The following HMGXB4 variants were observed in gnomAD, a reference collection of about 807,000 sequenced individuals.
HMGXB4 encodes HMG domain-containing protein 4.
In HMGXB4, 27 loss-of-function variants were observed where a neutral mutation model predicts 63.9. That is an observed-to-expected ratio of 0.42 (90% CI 0.31 to 0.58). HMGXB4 has a LOEUF of 0.58. Among genes scored for constraint, HMGXB4 ranks in the 20% least tolerant of loss-of-function variants. HMGXB4 has a pLI of 0.13. For missense variants in HMGXB4, 624 were observed against 700.7 expected (o/e 0.89, Z 1.24); for synonymous variants, 264 against 265.3 (o/e 0.99, Z 0.05).
the HMGXB4 span, among the ~76,000 whole-genome samples, chr22:35,248,442 C>T: frequency 1.4e-5 from 2 of 147,870 alleles, no homozygotes; most frequent in Non-Finnish European, 3.0e-5. Flanking sequence ...AGTCTCGCTC[C>T]GTCACCCAGG....
At chr22:35,290,612 C>T (rs151197159) in intron 9 of HMGXB4, among the ~76,000 whole-genome samples, 8,889 of 129,866 alleles carry the variant, frequency 0.068, 365 homozygotes, top group South Asian at 0.12. Flanking sequence ...GCCTGGGCGA[C>T]GGAGCGAGAC....
At position 35,288,335 on chromosome 22, in the gene HMGXB4, T is replaced by G; in HGVS notation, c.1566T>G (p.Ile522Met). ...CCAAAGCCCCTGAGACAGAGCCCAT[T>G]GATGTTGCTGCTCATCTTCAGCTGT... ...SPAKAPETEP[I>M]DVAAHLQLLG... is the part of the protein sequence containing the mutation. The change falls in exon 9 of 11, where the codon ATT (isoleucine) becomes ATG (methionine). Residue 522 changes from isoleucine (I) to methionine (M), a missense_variant. Transcript: ENST00000216106. The G allele has an allele frequency of 6.2e-7, 1 of 1,612,946 alleles. No homozygotes were observed. The highest frequency in any genetic ancestry group is 1.1e-5 in the South Asian group (1 of 90,898).
chr22:35,282,328 C>T (rs946643672), intron 5 of HMGXB4, among the ~76,000 whole-genome samples: 5 of 152,300 alleles, frequency 3.3e-5, no homozygotes, highest in East Asian at 1.9e-4. Context: ...AGGCGCCCAC[C>T]ACCATGCCCG....
At chr22:35,289,726 A>G (rs1924816121) in intron 9 of HMGXB4, among the ~76,000 whole-genome samples, 1 of 152,188 alleles carries the variant, frequency 6.6e-6, no homozygotes, top group Non-Finnish European at 1.5e-5. Flanking sequence ...TGTCCTTTTA[A>G]GCTTCAATTT....
rs58606843 is a variant in HMGXB4 at position 35,261,909 on chromosome 22, A to G, written c.-68-414A>G. 839 of 155,586 alleles carry G rather than the reference A, an allele frequency of 5.4e-3. 10 individuals are homozygous for G. Among genetic ancestry groups the G allele is most frequent in the African/African-American group, 0.019 (782 of 41,582 alleles). The allele number at this position is 155,586 out of a possible 1,614,324, so 9.6% of individuals were successfully genotyped here. ...AGTTGGTAGGATTTTGTGGTCTTCAAATGTTTGATGTGATCTGTCTTCTCT... is the reference window on the plus strand; with the variant it reads ...AGTTGGTAGGATTTTGTGGTCTTCAGATGTTTGATGTGATCTGTCTTCTCT... On this transcript the variant is annotated intron_variant, in intron 1 of 10. Coordinates refer to ENST00000216106, the MANE Select transcript of HMGXB4 (RefSeq NM_001003681.3).
chr22:35,277,136 T>C (rs766760859), intron 5 of HMGXB4, among the ~76,000 whole-genome samples: 15 of 152,216 alleles, frequency 9.9e-5, no homozygotes, highest in Non-Finnish European at 1.8e-4. Context: ...CTCGCAAGAC[T>C]GAAATCAAGG....
At chr22:35,275,900 A>T (rs1021006739) in intron 5 of HMGXB4, among the ~76,000 whole-genome samples, 3 of 152,246 alleles carry the variant, frequency 2.0e-5, no homozygotes, top group Non-Finnish European at 4.4e-5. Flanking sequence ...TCCAAGTTTT[A>T]AAAATATTAA....
At chr22:35,271,557 G>A (rs1460274305) in intron 5 of HMGXB4, among the ~76,000 whole-genome samples, 1 of 152,184 alleles carries the variant, frequency 6.6e-6, no homozygotes, top group African/African-American at 2.4e-5. Flanking sequence ...CAAACAATGT[G>A]ATGTTGGATA....
rs781549128 is a variant in HMGXB4, at chr22:35,263,877, G to A, written c.259+3G>A. 1.9e-6 allele frequency: 3 copies of A among 1,612,774 alleles called. No homozygotes were observed. The highest frequency in any genetic ancestry group is 4.5e-5 in the East Asian group (2 of 44,886). On this transcript the variant is annotated splice_donor_region_variant and intron_variant, in intron 4 of 10. Coordinates refer to ENST00000216106, the MANE Select transcript of HMGXB4 (RefSeq NM_001003681.3). ...CTCTGATGATTACTACTATGGAGGT[G>A]AGGATGGGAATGGGCAACAGGTGGG...
chr22:35,280,344 A>G (rs1924171349), intron 5 of HMGXB4, among the ~76,000 whole-genome samples: 2 of 152,226 alleles, frequency 1.3e-5, no homozygotes, highest in African/African-American at 4.8e-5. Flanking sequence ...GGGAAACGAA[A>G]TGTCAGGAAA....
intron 5 of HMGXB4, among the ~76,000 whole-genome samples, chr22:35,273,029 T>A (rs1923702208): frequency 6.6e-6 from 1 of 152,226 alleles, no homozygotes; most frequent in Non-Finnish European, 1.5e-5. Flanking sequence ...TCTCTAAACC[T>A]AAGGCAGGGC....
intron 5 of HMGXB4, among the ~76,000 whole-genome samples, chr22:35,276,217 C>G (rs1223225564): frequency 6.6e-6 from 1 of 152,168 alleles, no homozygotes; most frequent in East Asian, 1.9e-4. Context: ...GTCAGAGTTT[C>G]CCTTGAAAAT....
chr22:35,263,625 A>AG (rs1923007079), intron 3 of HMGXB4, among the ~76,000 whole-genome samples, 171 bp from the exon 4 acceptor site: 1 of 152,262 alleles, frequency 6.6e-6, no homozygotes, highest in African/African-American at 2.4e-5. Flanking sequence ...TATTTGAAGA[A>AG]GGAAGTATTT....
the HMGXB4 span, among the ~76,000 whole-genome samples, chr22:35,251,138 G>A: frequency 6.6e-6 from 1 of 151,224 alleles, no homozygotes; most frequent in Non-Finnish European, 1.5e-5. Context: ...GCAGTGGCGC[G>A]ATCTTGGCTC....
chr22:35,269,648 A>G (rs1923479490), intron 5 of HMGXB4, among the ~76,000 whole-genome samples: 1 of 152,226 alleles, frequency 6.6e-6, no homozygotes, highest in African/African-American at 2.4e-5. Context: ...GTTTATAAGC[A>G]AGGTTTATTT....
At chr22:35,282,909 T>C (rs1924353342) in intron 5 of HMGXB4, among the ~76,000 whole-genome samples, 1 of 152,276 alleles carries the variant, frequency 6.6e-6, no homozygotes, top group Non-Finnish European at 1.5e-5. Flanking sequence ...TGAAATGGAA[T>C]GCATAGAAAT....
At position 35,265,887 on chromosome 22, in the gene HMGXB4, A is replaced by G. The variant is rs61072421; in HGVS notation, c.1215+284A>G. On this transcript the variant is annotated intron_variant, in intron 5 of 10. Coordinates refer to ENST00000216106, the MANE Select transcript of HMGXB4 (RefSeq NM_001003681.3). ...CTGCAACCTCCTCCTCCCAGGTTCA[A>G]GCCTCACCCTCCCAAGTAGCTGAAA... 4.2e-3 allele frequency among the ~76,000 whole-genome samples: 634 copies of G among 151,328 alleles called. 5 individuals are homozygous for G. Among genetic ancestry groups the G allele is most frequent in the African/African-American group, 0.014 (586 of 41,214 alleles).
intron 5 of HMGXB4, among the ~76,000 whole-genome samples, chr22:35,278,825 T>G (rs1040543273): frequency 5.3e-5 from 8 of 150,838 alleles, no homozygotes; most frequent in African/African-American, 2.0e-4. Flanking sequence ...ATTTTTTAAT[T>G]TTTTGTAAAG....
intron 5 of HMGXB4, among the ~76,000 whole-genome samples, chr22:35,268,176 C>G (rs1175324698): frequency 6.6e-6 from 1 of 152,186 alleles, no homozygotes; most frequent in Non-Finnish European, 1.5e-5. Context: ...TGTGATCAAA[C>G]CTCTATCAAG....
Sources: gnomAD v4.1 joint callset for allele counts (sites outside exome capture counted in the v4.1 genomes callset) on GRCh38, gnomAD v4.1.1 for gene constraint, MANE v1.5 for transcripts, NCBI Gene and HGNC (gene_info 2026-07-23, HGNC 2026-07-21) for gene names.